The following EGF variants were observed in gnomAD, a reference collection of about 807,000 sequenced individuals.
The protein encoded by EGF is epidermal growth factor.
Under a neutral mutation model 143.8 loss-of-function variants are expected in EGF, and 95 were observed. That is an observed-to-expected ratio of 0.66 (90% CI 0.56 to 0.78). The LOEUF (loss-of-function observed/expected upper bound fraction) is 0.78, where lower values mean the gene tolerates loss of function less well. EGF is among the 30% of genes least tolerant of loss of function. The pLI is 0.00. For missense variants in EGF, 1,320 were observed against 1,470.9 expected, an observed-to-expected ratio of 0.90 and a Z score of 1.68; for synonymous variants, 510 against 510.5, an observed-to-expected ratio of 1.00 and a Z score of 0.01.
chr4:109,988,160 TTA>T lies in EGF; in HGVS notation c.2608+302_2608+303del, dbSNP rs148216310. 1.9e-3 allele frequency among the ~76,000 whole-genome samples: 283 copies of T among 152,178 alleles called. 2 individuals are homozygous for T. The highest frequency in any genetic ancestry group is 6.5e-3 in the African/African-American group (270 of 41,514). ...GCATGAATTTGAGTTCAAGTCAAGT[TTA>T]TGACTTCACCAATTCCAATGAAAAC... On this transcript the variant is annotated intron_variant, in intron 17 of 23. Transcript: ENST00000265171.
chr4:109,977,719 T>G (rs1004270764), intron 13 of EGF, among the ~76,000 whole-genome samples: 1 of 152,090 alleles, frequency 6.6e-6, no homozygotes, highest in African/African-American at 2.4e-5. Flanking sequence ...GTGCCTGTAA[T>G]CCCTCTGCCA....
Position 109,940,954 on chromosome 4 carries a change from C to T in EGF, c.136C>T (p.Pro46Ser), listed in dbSNP as rs1560659133. The T allele has an allele frequency of 6.2e-7, 1 of 1,614,016 alleles. No homozygotes were observed. Among genetic ancestry groups the T allele is most frequent in the Non-Finnish European group, 8.5e-7 (1 of 1,179,944 alleles). ...NGNSTCVGPAPFLIFSHGNSI... is the reference protein window; with the variant it reads ...NGNSTCVGPASFLIFSHGNSI... ...TCTTTCTTCCCACCCAGGTCCTGCA[C>T]CCTTCTTAATTTTCTCCCATGGAAA... The change falls in exon 2 of 24, where the codon CCC (proline) becomes TCC (serine). Residue 46 changes from proline to serine, a missense_variant. Coordinates refer to ENST00000265171, the MANE Select transcript of EGF (RefSeq NM_001963.6).
intron 16 of EGF, among the ~76,000 whole-genome samples, chr4:109,987,417 C>G (rs376611198): frequency 6.6e-6 from 1 of 152,148 alleles, no homozygotes; most frequent in African/African-American, 2.4e-5. Flanking sequence ...CCTCAGCCCC[C>G]CAAGTAGCTG....
At chr4:109,989,301 C>A (rs1159976621) in intron 18 of EGF, among the ~76,000 whole-genome samples, 1 of 152,192 alleles carries the variant, frequency 6.6e-6, no homozygotes, top group African/African-American at 2.4e-5. Flanking sequence ...TGGGAGTTCG[C>A]GTCGTGGATG....
At chr4:109,951,552 T>A (rs1161352870) in intron 5 of EGF, among the ~76,000 whole-genome samples, 1 of 152,254 alleles carries the variant, frequency 6.6e-6, no homozygotes, top group Non-Finnish European at 1.5e-5. Flanking sequence ...CTCACAGAGA[T>A]GCCATAATTA....
intron 1 of EGF, among the ~76,000 whole-genome samples, chr4:109,932,011 T>C (rs993610023): frequency 6.6e-6 from 1 of 152,216 alleles, no homozygotes; most frequent in African/African-American, 2.4e-5. Context: ...GAGATTTCTC[T>C]TTTCCCTTTG....
chr4:109,968,818 T>C (rs1480278356), intron 10 of EGF, 153 bp from the exon 11 acceptor site: 2 of 870,618 alleles, frequency 2.3e-6, no homozygotes, highest in African/African-American at 1.7e-5. Flanking sequence ...TACACGTATC[T>C]GGGAAGCAGC....
intron 1 of EGF, among the ~76,000 whole-genome samples, chr4:109,916,643 C>G (rs1251141578): frequency 6.6e-6 from 1 of 151,872 alleles, no homozygotes; most frequent in African/African-American, 2.4e-5. Context: ...TGTGGTGATT[C>G]TAACCAACAG....
chr4:110,004,701 T>TCATTCTGAAC, intron 22 of EGF, 79 bp downstream of exon 22: 1 of 1,273,472 alleles, frequency 7.9e-7, no homozygotes, highest in Non-Finnish European at 1.1e-6. Flanking sequence ...TTTCACTGAG[T>TCATTCTGAAC]TCAGAATGAC....
At chr4:109,973,938 C>T (rs1748065397) in intron 11 of EGF, among the ~76,000 whole-genome samples, 1 of 152,100 alleles carries the variant, frequency 6.6e-6, no homozygotes, top group Non-Finnish European at 1.5e-5. Flanking sequence ...TTATCTACAG[C>T]TTCCACATCT....
intron 1 of EGF, among the ~76,000 whole-genome samples, chr4:109,921,125 C>A (rs1319472404): frequency 1.3e-5 from 2 of 151,564 alleles, no homozygotes; most frequent in Non-Finnish European, 2.9e-5. Context: ...TTTATATGGC[C>A]AAAGTTAATA....
intron 5 of EGF, among the ~76,000 whole-genome samples, chr4:109,952,698 A>G (rs932443487): frequency 2.6e-5 from 4 of 152,338 alleles, no homozygotes; most frequent in African/African-American, 9.6e-5. Flanking sequence ...AGCATCATTT[A>G]TAGTTATTGA....
rs35084748 is a variant in EGF at position 109,927,848 on chromosome 4, T to TGTGA, written c.128-13097_128-13096insTGAG. ...GTGTGTGTGTGTGTGTGTGTGTGTG[T>TGTGA]GAAACATTTGGAAAAACTTTTCTAA... On this transcript the variant is annotated intron_variant, in intron 1 of 23. Coordinates refer to ENST00000265171, the MANE Select transcript of EGF (RefSeq NM_001963.6). Among the ~76,000 whole-genome samples the TGTGA allele has an allele frequency of 8.6e-3, 1,229 of 142,530 alleles. 25 individuals are homozygous for TGTGA. The highest frequency in any genetic ancestry group is 0.03 in the African/African-American group (1,155 of 38,658). The allele number at this position is 142,530 out of a possible 152,430, so 93.5% of individuals were successfully genotyped here.
At chr4:110,007,754 G>A (rs550972608) in intron 22 of EGF, among the ~76,000 whole-genome samples, 34 of 152,284 alleles carry the variant, frequency 2.2e-4, no homozygotes, top group African/African-American at 7.7e-4. Context: ...ATGTGTGTGT[G>A]CGTGTGTGTG....
Position 109,989,969 on chromosome 4 carries a change from G to A in EGF, c.2734+1260G>A, listed in dbSNP as rs11569058. 2.3e-3 allele frequency among the ~76,000 whole-genome samples: 357 copies of A among 151,926 alleles called. 3 individuals carry two copies. The highest frequency in any genetic ancestry group is 8.2e-3 in the African/African-American group (341 of 41,370). On this transcript the variant is annotated intron_variant, in intron 18 of 23. Coordinates refer to ENST00000265171, the MANE Select transcript of EGF (RefSeq NM_001963.6). ...TATATATATGTAGTTATAATACTTC[G>A]AACCTTGTCTGGCACATAAAAAGTG...
At chr4:109,964,272 G>C in intron 9 of EGF, 129 bp from the exon 10 acceptor site, 4 of 1,316,568 alleles carry the variant, frequency 3.0e-6, no homozygotes, top group Non-Finnish European at 4.3e-6. Context: ...TACCACACTA[G>C]AGGGAAATTA....
intron 5 of EGF, among the ~76,000 whole-genome samples, chr4:109,953,667 T>A (rs777172109): frequency 6.6e-6 from 1 of 152,226 alleles, no homozygotes; most frequent in Non-Finnish European, 1.5e-5. Context: ...AATTGTACTA[T>A]CTTTCTCTGG....
intron 16 of EGF, among the ~76,000 whole-genome samples, chr4:109,985,643 G>T (rs1267199873): frequency 1.3e-5 from 2 of 152,190 alleles, no homozygotes; most frequent in Non-Finnish European, 2.9e-5. Flanking sequence ...GCCTTTCCTA[G>T]TTCCTGACCG....
Position 109,987,773 on chromosome 4 carries a change from A to T in EGF, c.2521A>T (p.Ser841Cys). ...DQDDCAPVGC[S>C]MYARCISEGE... ...AGATGACTGTGCTCCTGTGGGATGCAGCATGTATGCTCGGTGTATTTCAGA... is the reference window on the plus strand; with the variant it reads ...AGATGACTGTGCTCCTGTGGGATGCTGCATGTATGCTCGGTGTATTTCAGA... Residue 841 changes from serine to cysteine, a missense_variant, in exon 17 of 24, where the codon AGC becomes TGC. By Grantham distance (112) the Ser-to-Cys change is moderately radical. This residue lies in a region of EGF where 1,186 missense variants were observed against 1,313.7 expected (regional missense o/e 0.90). Coordinates refer to ENST00000265171, the MANE Select transcript of EGF (RefSeq NM_001963.6). 1.9e-6 allele frequency: 3 copies of T among 1,613,980 alleles called. No individual in the cohort carries two copies. Among genetic ancestry groups the T allele is most frequent in the Middle Eastern group, 1.7e-4 (1 of 6,060 alleles).
Sources: gnomAD v4.1 joint callset for allele counts (sites outside exome capture counted in the v4.1 genomes callset) on GRCh38, gnomAD v4.1.1 for gene constraint, gnomAD v4.1.1 regional missense constraint, MANE v1.5 for transcripts, NCBI Gene and HGNC (gene_info 2026-07-23, HGNC 2026-07-21) for gene names.